RFT1: variants seen among roughly 807,000 people sequenced by gnomAD.
RFT1 encodes RFT1 glycolipid translocator homolog.
Under a neutral mutation model 62.2 loss-of-function variants are expected in RFT1, and 43 were observed. That is an observed-to-expected ratio of 0.69 (90% CI 0.54 to 0.89). RFT1 has a LOEUF of 0.89. RFT1 is among the 40% of genes least tolerant of loss of function. The pLI, the probability that RFT1 is intolerant of heterozygous loss-of-function variation, is 0.00. For synonymous variants in RFT1, 262 were observed against 264.6 expected, an observed-to-expected ratio of 0.99 and a Z score of 0.10; for missense variants, 605 against 649.9, an observed-to-expected ratio of 0.93 and a Z score of 0.75.
rs549193675 is a variant in RFT1 at position 53,113,268 on chromosome 3, G to A, written c.697-1360C>T. On this transcript the variant is annotated intron_variant, in intron 6 of 12. Coordinates refer to ENST00000296292, the MANE Select transcript of RFT1 (RefSeq NM_052859.4). ...CTGGCTCAAGCAATCCTCCCACCTC[G>A]GCTCCCAAAGTACTGGGATTCCAGG... is the stretch of plus-strand genomic sequence containing the variant. 5.3e-5 allele frequency among the ~76,000 whole-genome samples: 8 copies of A among 152,262 alleles called. 1 individual carries two copies. The highest frequency in any genetic ancestry group is 5.2e-4 in the Admixed American group (8 of 15,292).
At chr3:53,068,685 T>TG in the RFT1 span, among the ~76,000 whole-genome samples, 130 of 152,250 alleles carry the variant, frequency 8.5e-4, no homozygotes, top group African/African-American at 3.1e-3. Flanking sequence ...CCTCTCCAGG[T>TG]GGGGCAAAGG....
chr3:53,127,252 A>C (rs1393887217), intron 1 of RFT1, among the ~76,000 whole-genome samples: 2 of 151,606 alleles, frequency 1.3e-5, no homozygotes, highest in Non-Finnish European at 2.9e-5. Flanking sequence ...TGCCGTCTCT[A>C]CTAAAAATAC....
intron 5 of RFT1, among the ~76,000 whole-genome samples, chr3:53,121,497 C>A (rs1263061493): frequency 6.6e-6 from 1 of 152,126 alleles, no homozygotes; most frequent in East Asian, 1.9e-4. Context: ...CACCAGGTCC[C>A]TAGAAACACC....
chr3:53,118,819 T>C (rs980827524), intron 6 of RFT1, among the ~76,000 whole-genome samples: 1 of 151,788 alleles, frequency 6.6e-6, no homozygotes, highest in Non-Finnish European at 1.5e-5. Flanking sequence ...TGTGAAGGAA[T>C]TGAGTAGAAA....
In RFT1 at chr3:53,091,834, G is replaced by C; in HGVS notation, c.*69C>G. On this transcript the variant is annotated 3_prime_UTR_variant, in exon 13 of 13. Transcript: ENST00000296292. ...GAGCCCTCAGTGGGGCTCTTACACA[G>C]AATGTGTTCCACCCACAGAACTACC... is the stretch of plus-strand genomic sequence containing the variant. 1.9e-6 allele frequency: 3 copies of C among 1,547,314 alleles called. No individual in the cohort carries two copies. The highest frequency in any genetic ancestry group is 1.1e-5 in the South Asian group (1 of 89,018).
rs556777648 is a variant in RFT1, at chr3:53,092,753, G to A, written c.1209-135C>T. 10 of 1,000,434 alleles carry A rather than the reference G, an allele frequency of 1.0e-5. No individual in the cohort carries two copies. The South Asian group carries it at 1.6e-4, about 16-fold the overall frequency. 62.0% of individuals were successfully genotyped at this position (1,000,434 alleles called of 1,614,324 possible). A position where few individuals can be genotyped will look rare whatever the true frequency, so the allele number is the denominator to read the frequency against. ...AATCCAGGTTTTCATAACATCGAAT[G>A]CTACCTGGAGACCATGGGAATGTCC... On this transcript the variant is annotated intron_variant, in intron 11 of 12. Transcript: ENST00000296292.
At chr3:53,071,833 GC>G in the RFT1 span, among the ~76,000 whole-genome samples, 1 of 152,342 alleles carries the variant, frequency 6.6e-6, no homozygotes, top group East Asian at 1.9e-4. Context: ...CCCAAGTCTG[GC>G]TGTAAGAACA....
chr3:53,107,310 T>C (rs1371155295), intron 7 of RFT1, among the ~76,000 whole-genome samples: 1 of 152,062 alleles, frequency 6.6e-6, no homozygotes, highest in Non-Finnish European at 1.5e-5. Context: ...TAATTTTTTT[T>C]GTATTTTTAG....
intron 4 of RFT1, 102 bp from the exon 5 acceptor site, chr3:53,121,902 TG>T: frequency 1.1e-6 from 1 of 932,788 alleles, no homozygotes; most frequent in South Asian, 1.4e-5. Flanking sequence ...ACCCTGGCTG[TG>T]GGGGCAGGGC....
chr3:53,080,811 G>T, the RFT1 span, among the ~76,000 whole-genome samples: 1 of 152,184 alleles, frequency 6.6e-6, no homozygotes, highest in African/African-American at 2.4e-5. Flanking sequence ...CAGCTTGAAG[G>T]GGGTAGGGTA....
chr3:53,080,524 C>T, the RFT1 span, among the ~76,000 whole-genome samples: 41,380 of 152,112 alleles, frequency 0.27, 6,106 homozygotes, highest in Middle Eastern at 0.39. Context: ...GCTCCACCAC[C>T]ACGTGCACTT....
At chr3:53,129,025 C>T (rs1337158893) in intron 1 of RFT1, among the ~76,000 whole-genome samples, 2 of 151,626 alleles carry the variant, frequency 1.3e-5, no homozygotes, top group Non-Finnish European at 2.9e-5. Flanking sequence ...TTTATGAAGC[C>T]TATCTGAGTA....
intron 10 of RFT1, among the ~76,000 whole-genome samples, chr3:53,101,213 T>C (rs1205476089): frequency 6.6e-6 from 1 of 152,182 alleles, no homozygotes; most frequent in Non-Finnish European, 1.5e-5. Flanking sequence ...TCACCTCACA[T>C]TGCATTTTGC....
At chr3:53,121,107 T>C (rs1293020937) in intron 5 of RFT1, among the ~76,000 whole-genome samples, 1 of 152,222 alleles carries the variant, frequency 6.6e-6, no homozygotes, top group Non-Finnish European at 1.5e-5. Flanking sequence ...TTTTTAAAAA[T>C]AGCACTTGTA....
intron 11 of RFT1, among the ~76,000 whole-genome samples, chr3:53,098,332 G>A (rs1228787158): frequency 6.6e-6 from 1 of 152,116 alleles, no homozygotes; most frequent in Non-Finnish European, 1.5e-5. Context: ...CTGGACTCTA[G>A]TTCTCAGTCA....
chr3:53,094,172 C>T (rs1241598388), intron 11 of RFT1, among the ~76,000 whole-genome samples: 1 of 151,986 alleles, frequency 6.6e-6, no homozygotes, highest in African/African-American at 2.4e-5. Context: ...TTGCTTGAGG[C>T]CAAGAGTTTG....
intron 11 of RFT1, among the ~76,000 whole-genome samples, chr3:53,097,861 G>C (rs1701187626): frequency 6.6e-6 from 1 of 152,222 alleles, no homozygotes; most frequent in Non-Finnish European, 1.5e-5. Flanking sequence ...CATAGGGAAA[G>C]AAGAGGATAG....
chr3:53,092,451 T>C lies in RFT1; in HGVS notation c.1376A>G (p.His459Arg), dbSNP rs144531852. 42 of 1,611,568 alleles carry C rather than the reference T, an allele frequency of 2.6e-5. No homozygotes were observed. The highest frequency in any genetic ancestry group is 3.5e-5 in the Non-Finnish European group (41 of 1,179,266). ...TAGGTGCAGGCCAGCCAGGGGCCTG[T>C]GGGGGCTCCTTCGGTAGTAGCGGTG... ...FIHRYYRRSP[H>R]RPLAGLHLSP... Residue 459 changes from histidine to arginine, a missense_variant, in exon 12 of 13, where the codon CAC becomes CGC. Coordinates refer to ENST00000296292, the MANE Select transcript of RFT1 (RefSeq NM_052859.4).
the RFT1 span, among the ~76,000 whole-genome samples, chr3:53,070,428 G>C: frequency 5.3e-5 from 6 of 112,214 alleles, no homozygotes; most frequent in Admixed American, 6.3e-4. Flanking sequence ...TTGAGACGGA[G>C]TCTCACTCTG....
Sources: allele counts gnomAD v4.1 joint callset (sites outside exome capture counted in the v4.1 genomes callset), GRCh38; gene constraint gnomAD v4.1.1; transcripts MANE v1.5; gene names NCBI Gene and HGNC (gene_info 2026-07-23, HGNC 2026-07-21).